Variants in PEX13 observed in about 807,000 individuals in gnomAD.
PEX13 encodes peroxisomal biogenesis factor 13.
Under a neutral mutation model 34.5 loss-of-function variants are expected in PEX13, and 28 were observed. That is an observed-to-expected ratio of 0.81 (90% CI 0.60 to 1.11). The LOEUF is 1.11. PEX13 is among the 50% of genes most tolerant of loss of function. The probability of loss-of-function intolerance (pLI) is 0.00; values close to 1 mark genes in which losing one functional copy is unlikely to be tolerated. For synonymous variants in PEX13, 177 were observed against 175.1 expected, an observed-to-expected ratio of 1.01 and a Z score of -0.09; for missense variants, 550 against 491.0, an observed-to-expected ratio of 1.12 and a Z score of -1.13.
At chr2:61,032,173 T>C in intron 2 of PEX13, 60 bp downstream of exon 2, 3 of 1,170,634 alleles carry the variant, frequency 2.6e-6, no homozygotes, top group East Asian at 2.4e-5. Flanking sequence ...ATTTCAAGAA[T>C]AGATTTGTTA....
chr2:61,035,423 G>T (rs1015181258), intron 2 of PEX13, among the ~76,000 whole-genome samples: 2 of 152,164 alleles, frequency 1.3e-5, no homozygotes, highest in African/African-American at 4.8e-5. Context: ...TTCTCCAAAG[G>T]ATCGCAGCTG....
chr2:61,030,215 A>T (rs1680428962), intron 1 of PEX13, among the ~76,000 whole-genome samples: 1 of 152,192 alleles, frequency 6.6e-6, no homozygotes, highest in South Asian at 2.1e-4. Context: ...TTATTTGTGG[A>T]TTCTGTATTT....
chr2:61,040,133 TTGG>T (rs1322749944), intron 2 of PEX13, among the ~76,000 whole-genome samples: 3 of 152,128 alleles, frequency 2.0e-5, no homozygotes, highest in African/African-American at 7.2e-5. Flanking sequence ...TTTTACACTG[TTGG>T]TGGGAGTGTA....
At chr2:61,037,325 C>T in intron 2 of PEX13, among the ~76,000 whole-genome samples, 1 of 152,228 alleles carries the variant, frequency 6.6e-6, no homozygotes, top group East Asian at 1.9e-4. Context: ...ACATTCTTCT[C>T]AGCACCACAT....
intron 1 of PEX13, among the ~76,000 whole-genome samples, chr2:61,028,292 G>A (rs577602885): frequency 2.6e-5 from 4 of 151,970 alleles, no homozygotes; most frequent in Admixed American, 6.6e-5. Context: ...CAATCAAACC[G>A]TTAAATGCAA....
chr2:61,023,428 C>CAT (rs1210370830), intron 1 of PEX13, among the ~76,000 whole-genome samples: 8 of 150,088 alleles, frequency 5.3e-5, no homozygotes, highest in East Asian at 1.9e-4. Flanking sequence ...CACACACACA[C>CAT]ATATTTTTTT....
In PEX13 at chr2:61,051,449, A is replaced by C. The variant is rs1680798137; in HGVS notation, c.*2679A>C. 6.6e-6 allele frequency: 1 copy of C among 152,350 alleles called. No individual in the cohort carries two copies. The highest frequency in any genetic ancestry group is 1.5e-5 in the Non-Finnish European group (1 of 68,030). 9.4% of individuals were successfully genotyped at this position (152,350 alleles called of 1,614,324 possible). ...TGTAGGGGTGTTTATTGTTTGGTTA[A>C]GTCTGCTAAATTACGGTATGCATTA... On this transcript the variant is annotated 3_prime_UTR_variant, in exon 4 of 4. Coordinates refer to ENST00000295030, the MANE Select transcript of PEX13 (RefSeq NM_002618.4).
intron 2 of PEX13, among the ~76,000 whole-genome samples, chr2:61,041,697 C>A (rs992120975): frequency 2.6e-5 from 4 of 152,092 alleles, no homozygotes; most frequent in African/African-American, 9.7e-5. Context: ...ATTGAGTGAT[C>A]AAGTTGTTGT....
chr2:61,017,911 G>C lies in PEX13; in HGVS notation c.92+60G>C, dbSNP rs529814036. ...GGGCCCGAGCGGGGACTTGGCAGGAGGCGGTTGTAGCGGTTGTTAGTGGAG... is the reference window on the plus strand; with the variant it reads ...GGGCCCGAGCGGGGACTTGGCAGGACGCGGTTGTAGCGGTTGTTAGTGGAG... On this transcript the variant is annotated intron_variant, in intron 1 of 3. Coordinates refer to ENST00000295030, the MANE Select transcript of PEX13 (RefSeq NM_002618.4). The C allele has an allele frequency of 3.1e-5, 46 of 1,503,070 alleles. 1 individual carries two copies. The East Asian group carries it at 1.1e-3, about 37-fold the overall frequency. 93.1% of individuals were successfully genotyped at this position (1,503,070 alleles called of 1,614,324 possible).
At position 61,040,766 on chromosome 2, in the gene PEX13, T is replaced by C. The variant is rs1011773758; in HGVS notation, c.788-4960T>C. Reference sequence around the variant, plus strand: ...AAATATATATATAGGTATATACATATATATATATACCTATATATTAAAGTA... The same window carrying C: ...AAATATATATATAGGTATATACATACATATATATACCTATATATTAAAGTA... On this transcript the variant is annotated intron_variant, in intron 2 of 3. Coordinates refer to ENST00000295030, the MANE Select transcript of PEX13 (RefSeq NM_002618.4). Among the ~76,000 whole-genome samples the C allele has an allele frequency of 2.7e-5, 4 of 148,070 alleles. No individual in the cohort carries two copies. In the Admixed American group the frequency reaches 2.7e-4, roughly 10 times the overall value.
chr2:61,019,126 A>C (rs895554265), intron 1 of PEX13: 1 of 152,238 alleles, frequency 6.6e-6, no homozygotes, highest in Non-Finnish European at 1.5e-5. Flanking sequence ...ATACCCAGTA[A>C]TGTTTTTATA....
chr2:61,026,238 C>A (rs970556598), intron 1 of PEX13, among the ~76,000 whole-genome samples: 1 of 152,054 alleles, frequency 6.6e-6, no homozygotes, highest in Non-Finnish European at 1.5e-5. Context: ...AATAGAATTC[C>A]CAAGTTCTGT....
chr2:61,018,190 C>T lies in PEX13; in HGVS notation c.92+339C>T, dbSNP rs919426954. 16 of 1,550,822 alleles carry T rather than the reference C, an allele frequency of 1.0e-5. 1 individual carries two copies. The highest frequency in any genetic ancestry group is 3.3e-4 in the Middle Eastern group (2 of 6,012). The stretch of plus-strand genomic sequence containing the variant: ...GGCTTCTCTATCTTTAAAGCGTAGA[C>T]TTTGGTCTGTAGCAGTTGAGAGCGG... On this transcript the variant is annotated intron_variant, in intron 1 of 3. Transcript: ENST00000295030.
chr2:61,031,132 A>C (rs185879160), intron 1 of PEX13, among the ~76,000 whole-genome samples: 77 of 152,272 alleles, frequency 5.1e-4, no homozygotes, highest in African/African-American at 1.8e-3. Flanking sequence ...TCTACAAAAA[A>C]TATAAAAAAT....
At chr2:61,032,222 A>G (rs1369085806) in intron 2 of PEX13, 109 bp downstream of exon 2, 1 of 835,382 alleles carries the variant, frequency 1.2e-6, no homozygotes. Context: ...GTTTCCAGTT[A>G]TATTTTCAGT....
intron 1 of PEX13, among the ~76,000 whole-genome samples, chr2:61,029,724 A>T (rs977554585): frequency 6.6e-6 from 1 of 151,928 alleles, no homozygotes; most frequent in African/African-American, 2.4e-5. Context: ...AGGTGGGAGG[A>T]TCACTTGAGG....
chr2:61,039,881 T>C (rs917417526), intron 2 of PEX13, among the ~76,000 whole-genome samples: 2 of 151,756 alleles, frequency 1.3e-5, no homozygotes, highest in Non-Finnish European at 2.9e-5. Context: ...ACAAAGAACT[T>C]AAACAAATTT....
At chr2:61,038,620 G>A (rs1353166115) in intron 2 of PEX13, among the ~76,000 whole-genome samples, 1 of 151,916 alleles carries the variant, frequency 6.6e-6, no homozygotes, top group African/African-American at 2.4e-5. Flanking sequence ...ATAATAAAAG[G>A]TATTTATGAC....
chr2:61,023,608 A>G (rs369035206), intron 1 of PEX13, among the ~76,000 whole-genome samples: 6 of 152,192 alleles, frequency 3.9e-5, no homozygotes, highest in African/African-American at 7.2e-5. Flanking sequence ...AGTGTCTGCT[A>G]TAAGTAACAT....
Sources: gnomAD v4.1 joint callset for allele counts (sites outside exome capture counted in the v4.1 genomes callset) on GRCh38, gnomAD v4.1.1 for gene constraint, MANE v1.5 for transcripts, NCBI Gene and HGNC (gene_info 2026-07-23, HGNC 2026-07-21) for gene names.